Variants in PXDNL observed in about 807,000 individuals in gnomAD.
PXDNL encodes the protein peroxidasin like.
In PXDNL, 145 loss-of-function variants were observed where a neutral mutation model predicts 150.8. The observed-to-expected ratio is 0.96, with a 90% confidence interval of 0.84 to 1.10. The LOEUF is 1.10. PXDNL is among the 50% of genes least tolerant of loss of function. The pLI, the probability that PXDNL is intolerant of heterozygous loss-of-function variation, is 0.00. For missense variants in PXDNL, 2,087 were observed against 1,873.9 expected (o/e 1.11, Z -2.10); for synonymous variants, 757 against 725.7 (o/e 1.04, Z -0.69).
At chr8:51,641,498 C>CAAATTT (rs1814754176) in intron 2 of PXDNL, among the ~76,000 whole-genome samples, 2 of 151,884 alleles carry the variant, frequency 1.3e-5, no homozygotes, top group Non-Finnish European at 2.9e-5. Context: ...TGAACTCAAA[C>CAAATTT]AAATTTACAA....
chr8:51,608,836 C>CAAAAAAAAAAAA (rs59195880), intron 2 of PXDNL, among the ~76,000 whole-genome samples: 1 of 59,592 alleles, frequency 1.7e-5, no homozygotes, highest in Non-Finnish European at 3.3e-5. Context: ...GACTCTGTCT[C>CAAAAAAAAAAAA]AAAAAAAAAA....
At chr8:51,719,400 G>A (rs1450791932) in intron 1 of PXDNL, among the ~76,000 whole-genome samples, 1 of 152,030 alleles carries the variant, frequency 6.6e-6, no homozygotes, top group African/African-American at 2.4e-5. Flanking sequence ...ATGGATTAAG[G>A]GCGGTGCAAG....
intron 8 of PXDNL, among the ~76,000 whole-genome samples, chr8:51,461,114 C>T (rs1251113069): frequency 1.3e-5 from 2 of 152,308 alleles, no homozygotes; most frequent in East Asian, 1.9e-4. Context: ...AGTGCTAGAC[C>T]CCAAAGGGCT....
chr8:51,623,366 A>C (rs1814295828), intron 2 of PXDNL, among the ~76,000 whole-genome samples: 1 of 152,214 alleles, frequency 6.6e-6, no homozygotes, highest in Non-Finnish European at 1.5e-5. Context: ...GGAACTGTTA[A>C]AAAGATCACA....
At chr8:51,591,007 T>C (rs1172301358) in intron 3 of PXDNL, among the ~76,000 whole-genome samples, 1 of 152,216 alleles carries the variant, frequency 6.6e-6, no homozygotes, top group Non-Finnish European at 1.5e-5. Flanking sequence ...TGTGATGGTA[T>C]TAAGAGGAGG....
chr8:51,578,945 C>T (rs1813147097), intron 3 of PXDNL, among the ~76,000 whole-genome samples: 1 of 151,946 alleles, frequency 6.6e-6, no homozygotes, highest in African/African-American at 2.4e-5. Flanking sequence ...ACACCTTTTA[C>T]AAAAACTAAC....
chr8:51,582,264 C>T (rs1326756630), intron 3 of PXDNL, among the ~76,000 whole-genome samples: 1 of 152,080 alleles, frequency 6.6e-6, no homozygotes, highest in East Asian at 1.9e-4. Flanking sequence ...GAAGAAAGCA[C>T]TCACTAGAAC....
chr8:51,779,651 G>T (rs1490179547), intron 1 of PXDNL, among the ~76,000 whole-genome samples: 1 of 152,222 alleles, frequency 6.6e-6, no homozygotes, highest in Non-Finnish European at 1.5e-5. Flanking sequence ...CACCAAGTAT[G>T]TGTGCCCATA....
At chr8:51,744,121 A>AGAAAGGAAGGAG (rs2036945359) in intron 1 of PXDNL, among the ~76,000 whole-genome samples, 1 of 136,504 alleles carries the variant, frequency 7.3e-6, no homozygotes, top group African/African-American at 2.7e-5. Flanking sequence ...AAAGAAAGAA[A>AGAAAGGAAGGAG]GGAAGAAAGA....
rs200076316 is a variant in PXDNL, at chr8:51,472,229, G to A, written c.770C>T (p.Ala257Val). ...SGNTVYFTCR[A>V]EGNPKPEIIW... ...AATCTCAGGTTTGGGGTTTCCTTCCGCCCGGCAGGTGAAGTAGACGGTATT... is the reference window on the plus strand; with the variant it reads ...AATCTCAGGTTTGGGGTTTCCTTCCACCCGGCAGGTGAAGTAGACGGTATT... Residue 257 changes from alanine (A) to valine (V), a missense_variant, in exon 8 of 23, where the codon GCG (alanine) becomes GTG (valine). Ala to Val is a moderately conservative substitution (Grantham distance 64). Transcript: ENST00000356297. 206 of 1,613,198 alleles carry A rather than the reference G, an allele frequency of 1.3e-4. No homozygotes were observed. Among genetic ancestry groups the A allele is most frequent in the Non-Finnish European group, 1.6e-4 (192 of 1,179,408 alleles).
At position 51,514,944 on chromosome 8, in the gene PXDNL, T is replaced by A. The variant is rs578154297; in HGVS notation, c.381-15174A>T. ...TAACATACACATTGGAGAAACATAC[T>A]TGGAGAAACTTTGGTCTGAAGCATC... On this transcript the variant is annotated intron_variant, in intron 4 of 22. Transcript: ENST00000356297. 5.9e-5 allele frequency among the ~76,000 whole-genome samples: 9 copies of A among 152,320 alleles called. 1 individual carries two copies. The East Asian group carries it at 1.5e-3, about 26-fold the overall frequency.
chr8:51,637,429 T>A (rs78456958), intron 2 of PXDNL, among the ~76,000 whole-genome samples: 1 of 151,938 alleles, frequency 6.6e-6, no homozygotes, highest in African/African-American at 2.4e-5. Context: ...TTCGAACCCA[T>A]CGCAAAGAAG....
rs775778410 is a variant in PXDNL, at chr8:51,556,884, T to G, written c.336A>C (p.Ala112=). Residue 112 remains alanine, a synonymous_variant, in exon 4 of 23, where the codon GCA becomes GCC. Transcript: ENST00000356297. The stretch of plus-strand genomic sequence containing the variant: ...GTCCTTTAAATGTTTGCTTATCTAG[T>G]GCATGGATTTCATTCTTATACAGGT... ...YLYLYKNEIH[A]LDKQTFKGLI... The G allele has an allele frequency of 3.8e-6, 6 of 1,583,556 alleles. No individual in the cohort carries two copies. In the Admixed American group the frequency reaches 6.7e-5, roughly 18 times the overall value.
chr8:51,409,959 G>T (rs1285707736), intron 16 of PXDNL, among the ~76,000 whole-genome samples: 2 of 152,206 alleles, frequency 1.3e-5, no homozygotes, highest in Non-Finnish European at 2.9e-5. Flanking sequence ...GTGCCAGCCA[G>T]CTCCTAACTT....
chr8:51,761,025 A>ATTTTTTTTTTTTTTTTTTTT (rs71237238), intron 1 of PXDNL, among the ~76,000 whole-genome samples: 1 of 114,494 alleles, frequency 8.7e-6, no homozygotes. Context: ...CGCCCGGCTA[A>ATTTTTTTTTTTTTTTTTTTT]TTTTTTTTTT....
At chr8:51,759,645 T>C (rs2037140120) in intron 1 of PXDNL, among the ~76,000 whole-genome samples, 2 of 152,210 alleles carry the variant, frequency 1.3e-5, no homozygotes, top group African/African-American at 4.8e-5. Context: ...ACCATTCCTT[T>C]GTCATGCTTT....
intron 2 of PXDNL, among the ~76,000 whole-genome samples, chr8:51,625,108 A>G (rs1469200642): frequency 6.6e-6 from 1 of 152,156 alleles, no homozygotes; most frequent in Non-Finnish European, 1.5e-5. Flanking sequence ...GGTACCTGAA[A>G]AGGTAGCTAC....
At position 51,395,309 on chromosome 8, in the gene PXDNL, G is replaced by T. The variant is rs1016522672; in HGVS notation, c.3557+12758C>A. ...ACTGGGATGGGGCTCAACCAATTCAGAACTATCACCTGCTCACTCACCCTC... is the reference window on the plus strand; with the variant it reads ...ACTGGGATGGGGCTCAACCAATTCATAACTATCACCTGCTCACTCACCCTC... On this transcript the variant is annotated intron_variant, in intron 17 of 22. Transcript: ENST00000356297. 4.6e-5 allele frequency among the ~76,000 whole-genome samples: 7 copies of T among 152,282 alleles called. No homozygotes were observed. In the East Asian group the frequency reaches 1.4e-3, roughly 29 times the overall value.
chr8:51,586,209 T>C (rs1230131324), intron 3 of PXDNL, among the ~76,000 whole-genome samples: 1 of 152,172 alleles, frequency 6.6e-6, no homozygotes, highest in Non-Finnish European at 1.5e-5. Context: ...TCCCTGACTA[T>C]GCTAGGGATA....
Sources: gnomAD v4.1 joint callset for allele counts (sites outside exome capture counted in the v4.1 genomes callset) on GRCh38, gnomAD v4.1.1 for gene constraint, MANE v1.5 for transcripts, NCBI Gene and HGNC (gene_info 2026-07-23, HGNC 2026-07-21) for gene names.